MEIKIN: variants seen among roughly 807,000 people sequenced by gnomAD.
MEIKIN encodes meiosis-specific kinetochore protein.
At chr5:131,876,170 C>T (rs934664483) in intron 9 of MEIKIN, among the ~76,000 whole-genome samples, 89 of 152,090 alleles carry the variant, frequency 5.9e-4, no homozygotes, top group African/African-American at 2.1e-3. Context: ...TAAAGAGATT[C>T]GGCACAGCAA....
chr5:131,868,916 C>T (rs925049958), intron 9 of MEIKIN, among the ~76,000 whole-genome samples: 2 of 152,184 alleles, frequency 1.3e-5, no homozygotes, highest in Non-Finnish European at 2.9e-5. Flanking sequence ...TATTGTCTCC[C>T]AATCTGTGGC....
chr5:131,859,459 C>A (rs963798140), intron 9 of MEIKIN, among the ~76,000 whole-genome samples: 1 of 152,176 alleles, frequency 6.6e-6, no homozygotes, highest in African/African-American at 2.4e-5. Flanking sequence ...TAGTGCTGTT[C>A]TCTTGATAGA....
At chr5:131,847,853 T>C (rs1026139851) in intron 11 of MEIKIN, among the ~76,000 whole-genome samples, 3 of 151,878 alleles carry the variant, frequency 2.0e-5, no homozygotes, top group South Asian at 4.1e-4. Context: ...AATGAAGTCA[T>C]TAAAAAAAAC....
At chr5:131,814,370 C>T (rs1449481385) in intron 12 of MEIKIN, among the ~76,000 whole-genome samples, 26 of 151,532 alleles carry the variant, frequency 1.7e-4, no homozygotes, top group Admixed American at 1.1e-3. Flanking sequence ...TCCACCTCCT[C>T]GGGCTCAGGT....
chr5:131,825,521 G>A (rs896357286), intron 11 of MEIKIN, among the ~76,000 whole-genome samples: 1 of 152,186 alleles, frequency 6.6e-6, no homozygotes, highest in African/African-American at 2.4e-5. Flanking sequence ...GAAGCTCAGT[G>A]AGGCTTGAGG....
rs151337461 is a variant in MEIKIN at position 131,893,761 on chromosome 5, C to A, written c.704-14713G>T. Reference sequence around the variant, plus strand: ...TCCATAAATTTGTTTAAGTTCCTTGCAGATTCAGGATATTAGCCCTTTGTC... The same window carrying A: ...TCCATAAATTTGTTTAAGTTCCTTGAAGATTCAGGATATTAGCCCTTTGTC... On this transcript the variant is annotated intron_variant, in intron 8 of 12. Transcript: ENST00000442687. Among the ~76,000 whole-genome samples, 617 of 152,222 alleles carry A rather than the reference C, an allele frequency of 4.1e-3. 2 individuals carry two copies. Among genetic ancestry groups the A allele is most frequent in the Middle Eastern group, 6.8e-3 (2 of 294 alleles).
chr5:131,875,088 C>T (rs997917404), intron 9 of MEIKIN, among the ~76,000 whole-genome samples: 4 of 152,174 alleles, frequency 2.6e-5, no homozygotes, highest in Non-Finnish European at 5.9e-5. Context: ...TGGCACAAGA[C>T]AGGGATGTCC....
At chr5:131,893,694 C>T (rs1004649021) in intron 8 of MEIKIN, among the ~76,000 whole-genome samples, 2 of 152,196 alleles carry the variant, frequency 1.3e-5, no homozygotes, top group African/African-American at 4.8e-5. Flanking sequence ...ATGCTGGGAC[C>T]CGCAGACTGG....
Position 131,808,785 on chromosome 5 carries a change from G to T in MEIKIN, c.1100-1527C>A, listed in dbSNP as rs140643639. On this transcript the variant is annotated intron_variant, in intron 12 of 12. Coordinates refer to ENST00000442687, the MANE Select transcript of MEIKIN (RefSeq NM_001303622.2). ...TCCTGTGAGAATGAGCAAGTAAAAA[G>T]TAAATTTGGGCCAAGTGTGGTGTCT... 3.2e-3 allele frequency among the ~76,000 whole-genome samples: 486 copies of T among 152,290 alleles called. 5 individuals are homozygous for T. Among genetic ancestry groups the T allele is most frequent in the African/African-American group, 0.011 (477 of 41,546 alleles).
intron 8 of MEIKIN, among the ~76,000 whole-genome samples, chr5:131,901,943 A>C (rs980187311): frequency 6.6e-6 from 1 of 152,158 alleles, no homozygotes; most frequent in African/African-American, 2.4e-5. Flanking sequence ...GCCTAGTGAA[A>C]GGTGATTAGA....
chr5:131,891,233 G>C (rs1014594753), intron 8 of MEIKIN, among the ~76,000 whole-genome samples: 26 of 152,172 alleles, frequency 1.7e-4, no homozygotes, highest in African/African-American at 4.3e-4. Context: ...TCTATTAGGT[G>C]CGCTTGGTGC....
At chr5:131,860,179 C>T (rs916322670) in intron 9 of MEIKIN, among the ~76,000 whole-genome samples, 9 of 151,890 alleles carry the variant, frequency 5.9e-5, no homozygotes, top group Non-Finnish European at 1.2e-4. Flanking sequence ...TTCTTCTGAT[C>T]CATGAGCATG....
rs532757258 is a variant in MEIKIN at position 131,896,517 on chromosome 5, A to C, written c.703+15298T>G. The stretch of plus-strand genomic sequence containing the variant: ...CCCATTATTATTGTGTGGGAGTCTA[A>C]GTCTCTTTGTAGGTCTCTAAGGACT... On this transcript the variant is annotated intron_variant, in intron 8 of 12. Transcript: ENST00000442687. 5.9e-5 allele frequency among the ~76,000 whole-genome samples: 9 copies of C among 152,302 alleles called. No individual in the cohort carries two copies. The East Asian group carries it at 1.7e-3, about 29-fold the overall frequency.
At chr5:131,897,652 G>A (rs1421848311) in intron 8 of MEIKIN, among the ~76,000 whole-genome samples, 2 of 151,948 alleles carry the variant, frequency 1.3e-5, no homozygotes, top group Non-Finnish European at 2.9e-5. Flanking sequence ...CTCAATCACT[G>A]ATATCCTTTC....
chr5:131,907,391 T>TAA (rs904931963), intron 8 of MEIKIN, among the ~76,000 whole-genome samples: 2 of 143,814 alleles, frequency 1.4e-5, no homozygotes, highest in African/African-American at 5.1e-5. Flanking sequence ...TGGTTTCTTG[T>TAA]AAAAAAAAAA....
At chr5:131,868,305 GAACCCTGGGCTAAGGC>G (rs936949867) in intron 9 of MEIKIN, among the ~76,000 whole-genome samples, 12 of 151,956 alleles carry the variant, frequency 7.9e-5, no homozygotes, top group African/African-American at 2.7e-4. Flanking sequence ...GGCTAGTCTT[GAACCCTGGGCTAAGGC>G]AATCCACTTG....
At chr5:131,942,068 A>G (rs1294966303) in intron 4 of MEIKIN, among the ~76,000 whole-genome samples, 1 of 152,160 alleles carries the variant, frequency 6.6e-6, no homozygotes, top group African/African-American at 2.4e-5. Context: ...AGCTAAAGTG[A>G]TCATATCATT....
chr5:131,930,425 C>G (rs777482755), intron 5 of MEIKIN, among the ~76,000 whole-genome samples: 13 of 152,068 alleles, frequency 8.5e-5, no homozygotes, highest in Non-Finnish European at 4.4e-5. Flanking sequence ...TATTTTCTCC[C>G]ATTCTGTAGG....
intron 8 of MEIKIN, among the ~76,000 whole-genome samples, 158 bp from the exon 9 acceptor site, chr5:131,879,206 T>C (rs572266168): frequency 6.6e-6 from 1 of 152,148 alleles, no homozygotes; most frequent in East Asian, 1.9e-4. Context: ...ACAAGAAAAA[T>C]TAATGTATGT....
Sources: gnomAD v4.1 joint callset for allele counts (sites outside exome capture counted in the v4.1 genomes callset) on GRCh38, gnomAD v4.1.1 for gene constraint, MANE v1.5 for transcripts, NCBI Gene and HGNC (gene_info 2026-07-23, HGNC 2026-07-21) for gene names.